Variants in OR10A7 observed in about 807,000 individuals in gnomAD.
OR10A7 encodes olfactory receptor family 10 subfamily A member 7.
For synonymous variants in OR10A7, 151 were observed against 137.2 expected, an observed-to-expected ratio of 1.10 and a Z score of -0.70; for missense variants, 434 against 383.6, an observed-to-expected ratio of 1.13 and a Z score of -1.10.
rs1271961727 is a variant in OR10A7 at position 55,221,841 on chromosome 12, C to A, written c.817C>A (p.Leu273Ile). 6.2e-7 allele frequency: 1 copy of A among 1,613,734 alleles called. No homozygotes were observed. Among genetic ancestry groups the A allele is most frequent in the Admixed American group, 1.7e-5 (1 of 59,904 alleles). Residue 273 changes from leucine to isoleucine, a missense_variant, in exon 1 of 1, where the codon CTA becomes ATA. Transcript: ENST00000326258. ...KSNQSPESKK[L>I]VSLSYTVITP... ...AAACCAGTCCCCTGAGAGCAAGAAGCTAGTGTCATTGTCCTACACTGTCAT... is the reference window on the plus strand; with the variant it reads ...AAACCAGTCCCCTGAGAGCAAGAAGATAGTGTCATTGTCCTACACTGTCAT...
chr12:55,221,795 G>C lies in OR10A7; in HGVS notation c.771G>C (p.Leu257=), dbSNP rs1369764993. The C allele has an allele frequency of 6.2e-7, 1 of 1,613,762 alleles. No homozygotes were observed. Among genetic ancestry groups the C allele is most frequent in the South Asian group, 1.1e-5 (1 of 91,070 alleles). ...CCCTCTTCTACGGAACAGCCAGTCTGACCTACCTGCGGCCCAAATCAAACC... is the reference window on the plus strand; with the variant it reads ...CCCTCTTCTACGGAACAGCCAGTCTCACCTACCTGCGGCCCAAATCAAACC... ...VVSLFYGTAS[L]TYLRPKSNQS... The change falls in exon 1 of 1, where the codon CTG becomes CTC. Residue 257 remains leucine, a synonymous_variant. Transcript: ENST00000326258.
At position 55,221,416 on chromosome 12, in the gene OR10A7, A is replaced by G; in HGVS notation, c.392A>G (p.His131Arg). 1 of 1,613,618 alleles carries G rather than the reference A, an allele frequency of 6.2e-7. No individual in the cohort carries two copies. Among genetic ancestry groups the G allele is most frequent in the Non-Finnish European group, 8.5e-7 (1 of 1,179,824 alleles). Residue 131 changes from histidine to arginine, a missense_variant, in exon 1 of 1, where the codon CAT becomes CGT. Physicochemically the swap from His to Arg is conservative, Grantham distance 29 (BLOSUM62 0). Coordinates refer to ENST00000326258, the MANE Select transcript of OR10A7 (RefSeq NM_001005280.1). ...DRFVAICNPL[H>R]YSVIMNRSLC... The stretch of plus-strand genomic sequence containing the variant: ...TTTGTGGCCATCTGTAACCCTCTCC[A>G]TTATTCAGTCATAATGAACAGGTCC...
Position 55,221,420 on chromosome 12 carries a change from T to C in OR10A7, c.396T>C (p.Tyr132=), listed in dbSNP as rs778272010. The C allele has an allele frequency of 6.2e-7, 1 of 1,613,878 alleles. No homozygotes were observed. The highest frequency in any genetic ancestry group is 2.2e-5 in the East Asian group (1 of 44,860). ...TGGCCATCTGTAACCCTCTCCATTA[T>C]TCAGTCATAATGAACAGGTCCCTAT... ...RFVAICNPLH[Y]SVIMNRSLCL... The change falls in exon 1 of 1, where the codon TAT becomes TAC. Residue 132 remains tyrosine, a synonymous_variant. Transcript: ENST00000326258.
In OR10A7 at chr12:55,221,075, T is replaced by C; in HGVS notation, c.51T>C (p.Phe17=). ...TCACTGAATTTATTCTTCTTGGTTTTACAAACAACCCCGAGATGCAAGTTT... is the reference window on the plus strand; with the variant it reads ...TCACTGAATTTATTCTTCTTGGTTTCACAAACAACCCCGAGATGCAAGTTT... The part of the protein sequence containing the change: ...TRVTEFILLG[F]TNNPEMQVSL... The change falls in exon 1 of 1, where the codon TTT becomes TTC. Residue 17 remains phenylalanine (F), a synonymous_variant. Coordinates refer to ENST00000326258, the MANE Select transcript of OR10A7 (RefSeq NM_001005280.1). 1.2e-6 allele frequency: 2 copies of C among 1,613,816 alleles called. No homozygotes were observed. The highest frequency in any genetic ancestry group is 1.3e-5 in the African/African-American group (1 of 75,038).
chr12:55,221,815 C>A lies in OR10A7; in HGVS notation c.791C>A (p.Ser264Ter). 2 of 1,613,790 alleles carry A rather than the reference C, an allele frequency of 1.2e-6. No homozygotes were observed. Among genetic ancestry groups the A allele is most frequent in the Non-Finnish European group, 1.7e-6 (2 of 1,179,860 alleles). Residue 264 changes from serine to a stop codon, truncating the protein, a stop_gained, in exon 1 of 1, where the codon TCA (serine) becomes TAA (stop). Transcript: ENST00000326258. LOFTEE classifies it low-confidence loss of function (END_TRUNC). ...AGTCTGACCTACCTGCGGCCCAAAT[C>A]AAACCAGTCCCCTGAGAGCAAGAAG... is the stretch of plus-strand genomic sequence containing the variant. ...TASLTYLRPK[S>*]NQSPESKKLV...
chr12:55,221,362 T>G lies in OR10A7; in HGVS notation c.338T>G (p.Phe113Cys), dbSNP rs374339161. 3 of 1,613,792 alleles carry G rather than the reference T, an allele frequency of 1.9e-6. No homozygotes were observed. The African/African-American group carries it at 4.0e-5, about 22-fold the overall frequency. The change falls in exon 1 of 1, where the codon TTC (phenylalanine) becomes TGC (cysteine). Residue 113 changes from phenylalanine (F) to cysteine (C), a missense_variant. Transcript: ENST00000326258. ...TTCTTCTTTGGCAGTTCTGAATGTT[T>G]CCTTCTCTCCATGATGGCTTATGAT... ...FFFFFGSSEC[F>C]LLSMMAYDRF...
In OR10A7 at chr12:55,221,350, G is replaced by T; in HGVS notation, c.326G>T (p.Ser109Ile). The change falls in exon 1 of 1, where the codon AGT (serine) becomes ATT (isoleucine). Residue 109 changes from serine to isoleucine, a missense_variant. Transcript: ENST00000326258. ...TQMYFFFFFG[S>I]SECFLLSMMA... The stretch of plus-strand genomic sequence containing the variant: ...ATGTACTTCTTCTTCTTCTTTGGCA[G>T]TTCTGAATGTTTCCTTCTCTCCATG... 6.2e-7 allele frequency: 1 copy of T among 1,613,788 alleles called. No homozygotes were observed. The highest frequency in any genetic ancestry group is 8.5e-7 in the Non-Finnish European group (1 of 1,179,858).
chr12:55,221,915 G>C lies in OR10A7; in HGVS notation c.891G>C (p.Val297=), dbSNP rs1233481061. 1 of 1,612,478 alleles carries C rather than the reference G, an allele frequency of 6.2e-7. No homozygotes were observed. Among genetic ancestry groups the C allele is most frequent in the Non-Finnish European group, 8.5e-7 (1 of 1,179,754 alleles). Reference sequence around the variant, plus strand: ...TCTACGGCCTGAGGAACAATGAAGTGAAAGGGGCTGTCAAGAGGACAATCA... The same window carrying C: ...TCTACGGCCTGAGGAACAATGAAGTCAAAGGGGCTGTCAAGAGGACAATCA... The part of the protein sequence containing the change: ...PIIYGLRNNE[V]KGAVKRTITQ... Residue 297 remains valine (V), a synonymous_variant, in exon 1 of 1, where the codon GTG becomes GTC. Transcript: ENST00000326258.
chr12:55,221,391 T>C lies in OR10A7; in HGVS notation c.367T>C (p.Phe123Leu). 1 of 1,613,918 alleles carries C rather than the reference T, an allele frequency of 6.2e-7. No homozygotes were observed. The highest frequency in any genetic ancestry group is 8.5e-7 in the Non-Finnish European group (1 of 1,179,902). Residue 123 changes from phenylalanine (F) to leucine (L), a missense_variant, in exon 1 of 1, where the codon TTT (phenylalanine) becomes CTT (leucine). By Grantham distance (22) the Phe-to-Leu change is conservative. Coordinates refer to ENST00000326258, the MANE Select transcript of OR10A7 (RefSeq NM_001005280.1). ...TCTCTCCATGATGGCTTATGATCGC[T>C]TTGTGGCCATCTGTAACCCTCTCCA... ...FLLSMMAYDR[F>L]VAICNPLHYS...
rs751828397 is a variant in OR10A7, at chr12:55,221,094, C to A, written c.70C>A (p.Gln24Lys). ...TGGTTTTACAAACAACCCCGAGATGCAAGTTTCCCTCTTTATTTTTTTCCT... is the reference window on the plus strand; with the variant it reads ...TGGTTTTACAAACAACCCCGAGATGAAAGTTTCCCTCTTTATTTTTTTCCT... ...LLGFTNNPEMQVSLFIFFLAI... is the reference protein window; with the variant it reads ...LLGFTNNPEMKVSLFIFFLAI... Residue 24 changes from glutamine (Q) to lysine (K), a missense_variant, in exon 1 of 1, where the codon CAA becomes AAA. Gln to Lys is a moderately conservative substitution (Grantham distance 53). Transcript: ENST00000326258. 2 of 1,613,754 alleles carry A rather than the reference C, an allele frequency of 1.2e-6. No individual in the cohort carries two copies. The highest frequency in any genetic ancestry group is 4.5e-5 in the East Asian group (2 of 44,878).
Position 55,221,747 on chromosome 12 carries a change from T to C in OR10A7, c.723T>C (p.Cys241=). The change falls in exon 1 of 1, where the codon TGT becomes TGC. Residue 241 remains cysteine, a synonymous_variant. Transcript: ENST00000326258. ...ATGRQKAFST[C]SSHLIVVSLF... ...GCCGCCAGAAGGCATTTTCTACTTG[T>C]TCCTCACACCTCATTGTGGTGTCCC... The C allele has an allele frequency of 6.2e-7, 1 of 1,613,752 alleles. No individual in the cohort carries two copies. The highest frequency in any genetic ancestry group is 8.5e-7 in the Non-Finnish European group (1 of 1,179,824).
In OR10A7 at chr12:55,221,828, T is replaced by A; in HGVS notation, c.804T>A (p.Pro268=). The change falls in exon 1 of 1, where the codon CCT becomes CCA. Residue 268 remains proline, a synonymous_variant. Transcript: ENST00000326258. The part of the protein sequence containing the change: ...TYLRPKSNQS[P]ESKKLVSLSY... ...TGCGGCCCAAATCAAACCAGTCCCC[T>A]GAGAGCAAGAAGCTAGTGTCATTGT... is the stretch of plus-strand genomic sequence containing the variant. 6.2e-7 allele frequency: 1 copy of A among 1,613,730 alleles called. No homozygotes were observed. The highest frequency in any genetic ancestry group is 8.5e-7 in the Non-Finnish European group (1 of 1,179,810).
At position 55,221,922 on chromosome 12, in the gene OR10A7, G is replaced by A. The variant is rs777149763; in HGVS notation, c.898G>A (p.Ala300Thr). Reference sequence around the variant, plus strand: ...CCTGAGGAACAATGAAGTGAAAGGGGCTGTCAAGAGGACAATCACTCAAAA... The same window carrying A: ...CCTGAGGAACAATGAAGTGAAAGGGACTGTCAAGAGGACAATCACTCAAAA... ...YGLRNNEVKGAVKRTITQKVL... is the reference protein window; with the variant it reads ...YGLRNNEVKGTVKRTITQKVL... Residue 300 changes from alanine to threonine, a missense_variant, in exon 1 of 1, where the codon GCT (alanine) becomes ACT (threonine). Ala to Thr is a moderately conservative substitution (Grantham distance 58, BLOSUM62 0). Coordinates refer to ENST00000326258, the MANE Select transcript of OR10A7 (RefSeq NM_001005280.1). 2 of 1,611,922 alleles carry A rather than the reference G, an allele frequency of 1.2e-6. No homozygotes were observed. Among genetic ancestry groups the A allele is most frequent in the Non-Finnish European group, 8.5e-7 (1 of 1,179,702 alleles).
In OR10A7 at chr12:55,221,034, G is replaced by C. The variant is rs1187815335; in HGVS notation, c.10G>C (p.Glu4Gln). MIC[E>Q]NHTRVTEFIL... ...GAAACTCATCTAAGATATGATCTGT[G>C]AAAATCACACCAGAGTCACTGAATT... The change falls in exon 1 of 1, where the codon GAA (glutamate) becomes CAA (glutamine). Residue 4 changes from glutamate (E) to glutamine (Q), a missense_variant. Physicochemically the swap from Glu to Gln is conservative, Grantham distance 29. Transcript: ENST00000326258. 6.2e-7 allele frequency: 1 copy of C among 1,604,020 alleles called. No individual in the cohort carries two copies. Among genetic ancestry groups the C allele is most frequent in the East Asian group, 2.2e-5 (1 of 44,814 alleles).
chr12:55,221,142 T>C lies in OR10A7; in HGVS notation c.118T>C (p.Leu40=), dbSNP rs1954112736. 1.2e-6 allele frequency: 2 copies of C among 1,613,718 alleles called. No individual in the cohort carries two copies. The highest frequency in any genetic ancestry group is 1.7e-5 in the Admixed American group (1 of 59,942). ...FFLAIYTVTL[L]GNFLIVTVTS... ...CCTGGCCATTTATACAGTCACTTTG[T>C]TGGGCAACTTTCTTATTGTCACAGT... is the stretch of plus-strand genomic sequence containing the variant. Residue 40 remains leucine, a synonymous_variant, in exon 1 of 1, where the codon TTG becomes CTG. Transcript: ENST00000326258.
At position 55,221,086 on chromosome 12, in the gene OR10A7, C is replaced by G; in HGVS notation, c.62C>G (p.Pro21Arg). 6.2e-7 allele frequency: 1 copy of G among 1,613,790 alleles called. No homozygotes were observed. The highest frequency in any genetic ancestry group is 8.5e-7 in the Non-Finnish European group (1 of 1,179,820). Reference sequence around the variant, plus strand: ...ATTCTTCTTGGTTTTACAAACAACCCCGAGATGCAAGTTTCCCTCTTTATT... The same window carrying G: ...ATTCTTCTTGGTTTTACAAACAACCGCGAGATGCAAGTTTCCCTCTTTATT... Reference protein sequence around the residue: ...EFILLGFTNNPEMQVSLFIFF... With the variant: ...EFILLGFTNNREMQVSLFIFF... Residue 21 changes from proline (P) to arginine (R), a missense_variant, in exon 1 of 1, where the codon CCC becomes CGC. By Grantham distance (103) the Pro-to-Arg change is moderately radical. Coordinates refer to ENST00000326258, the MANE Select transcript of OR10A7 (RefSeq NM_001005280.1).
At position 55,221,196 on chromosome 12, in the gene OR10A7, C is replaced by T. The variant is rs2081381867; in HGVS notation, c.172C>T (p.Pro58Ser). Residue 58 changes from proline (P) to serine (S), a missense_variant, in exon 1 of 1, where the codon CCC (proline) becomes TCC (serine). Coordinates refer to ENST00000326258, the MANE Select transcript of OR10A7 (RefSeq NM_001005280.1). ...CAGTGTGGATCTCGCACTTCAAACA[C>T]CCATGTACTTCTTTCTTCAAAATCT... ...VTSVDLALQTPMYFFLQNLSL... is the reference protein window; with the variant it reads ...VTSVDLALQTSMYFFLQNLSL... 1.3e-6 allele frequency: 2 copies of T among 1,532,718 alleles called. No homozygotes were observed. The highest frequency in any genetic ancestry group is 2.4e-5 in the South Asian group (2 of 83,224). 94.9% of individuals were successfully genotyped at this position (1,532,718 alleles called of 1,614,324 possible). A position where few individuals can be genotyped will look rare whatever the true frequency, so the allele number is the denominator to read the frequency against.
Position 55,221,710 on chromosome 12 carries a change from C to A in OR10A7, c.686C>A (p.Ser229Tyr). ...ATTATCATAACAATTCTGAGGATGTCCTCTGCCACTGGCCGCCAGAAGGCA... is the reference window on the plus strand; with the variant it reads ...ATTATCATAACAATTCTGAGGATGTACTCTGCCACTGGCCGCCAGAAGGCA... ...TRIIITILRM[S>Y]SATGRQKAFS... The change falls in exon 1 of 1, where the codon TCC becomes TAC. Residue 229 changes from serine (S) to tyrosine (Y), a missense_variant. Ser to Tyr is a moderately radical substitution (Grantham distance 144). Coordinates refer to ENST00000326258, the MANE Select transcript of OR10A7 (RefSeq NM_001005280.1). The A allele has an allele frequency of 6.2e-7, 1 of 1,613,742 alleles. No individual in the cohort carries two copies. The highest frequency in any genetic ancestry group is 1.1e-5 in the South Asian group (1 of 91,082).
In OR10A7 at chr12:55,221,793, C is replaced by G; in HGVS notation, c.769C>G (p.Leu257Val). Reference protein sequence around the residue: ...VVSLFYGTASLTYLRPKSNQS... With the variant: ...VVSLFYGTASVTYLRPKSNQS... ...GTCCCTCTTCTACGGAACAGCCAGT[C>G]TGACCTACCTGCGGCCCAAATCAAA... The change falls in exon 1 of 1, where the codon CTG becomes GTG. Residue 257 changes from leucine (L) to valine (V), a missense_variant. Transcript: ENST00000326258. The G allele has an allele frequency of 6.2e-7, 1 of 1,613,858 alleles. No individual in the cohort carries two copies.
Sources: gnomAD v4.1 joint callset for allele counts on GRCh38, gnomAD v4.1.1 for gene constraint, MANE v1.5 for transcripts, NCBI Gene and HGNC (gene_info 2026-07-23, HGNC 2026-07-21) for gene names.